Variants in ZNF443 observed in about 807,000 individuals in gnomAD.
ZNF443 encodes Kruppel-type zinc finger (C2H2).
A neutral mutation model predicts 12.0 loss-of-function variants in ZNF443; 3 were observed. The ratio of observed to expected loss-of-function variants is 0.25; its 90% CI spans 0.11 to 0.64. The LOEUF (loss-of-function observed/expected upper bound fraction) is 0.64. Among genes scored for constraint, ZNF443 ranks in the 30% least tolerant of loss-of-function variants. ZNF443 has a pLI of 0.84. For synonymous variants in ZNF443, 225 were observed against 265.9 expected (o/e 0.85, Z 1.50); for missense variants, 770 against 808.8 (o/e 0.95, Z 0.58).
At position 12,430,228 on chromosome 19, in the gene ZNF443, T is replaced by C. The variant is rs2112851; in HGVS notation, c.1944A>G (p.Pro648=). Residue 648 remains proline (P), a synonymous_variant, in exon 4 of 4, where the codon CCA becomes CCG. Coordinates refer to ENST00000301547, the MANE Select transcript of ZNF443 (RefSeq NM_005815.5). ...HWKKTHTGEN[P]YECKECGKAF... Reference sequence around the variant, plus strand: ...CTTTCCCACATTCCTTACATTCATATGGGTTCTCTCCAGTGTGAGTTTTTT... The same window carrying C: ...CTTTCCCACATTCCTTACATTCATACGGGTTCTCTCCAGTGTGAGTTTTTT... The C allele has an allele frequency of 1.8e-4, 293 of 1,613,104 alleles. 2 individuals are homozygous for C. In the African/African-American group the frequency reaches 3.0e-3, roughly 16 times the overall value.
chr19:12,435,410 G>A (rs1350090946), intron 1 of ZNF443, among the ~76,000 whole-genome samples: 1 of 152,186 alleles, frequency 6.6e-6, no homozygotes, highest in African/African-American at 2.4e-5. Flanking sequence ...AAGACATACA[G>A]TAGACCAACT....
rs200987547 is a variant in ZNF443, at chr19:12,430,997, G to C, written c.1175C>G (p.Pro392Arg). ...SHERTHTGEK[P>R]YECKQCGKAL... ...TTTCCCACACTGCTTGCATTCATAG[G>C]GTTTCTCTCCAGTGTGAGTTCTTTC... The change falls in exon 4 of 4, where the codon CCC becomes CGC. Residue 392 changes from proline to arginine, a missense_variant. Physicochemically the swap from Pro to Arg is moderately radical, Grantham distance 103. Transcript: ENST00000301547. The C allele has an allele frequency of 1.2e-6, 2 of 1,613,858 alleles. No individual in the cohort carries two copies. Among genetic ancestry groups the C allele is most frequent in the Admixed American group, 1.7e-5 (1 of 60,000 alleles).
intron 1 of ZNF443, among the ~76,000 whole-genome samples, chr19:12,434,597 T>A (rs1329797259): frequency 6.6e-6 from 1 of 152,064 alleles, no homozygotes; most frequent in African/African-American, 2.4e-5. Context: ...ACTCACAGTA[T>A]CTAAAAAATG....
chr19:12,430,178 T>C lies in ZNF443; in HGVS notation c.1994A>G (p.His665Arg). Residue 665 changes from histidine to arginine, a missense_variant, in exon 4 of 4, where the codon CAT (histidine) becomes CGT (arginine). His to Arg is a conservative substitution (Grantham distance 29, BLOSUM62 0). Coordinates refer to ENST00000301547, the MANE Select transcript of ZNF443 (RefSeq NM_005815.5). ...ATGCTAGTGAGTCTTTTTATGTCTA[T>C]GCAAGGAACTGAGAGAAGCAAATGC... ...GKAFASLSSL[H>R]RHKKTH The C allele has an allele frequency of 1.2e-6, 2 of 1,613,768 alleles. No individual in the cohort carries two copies. Among genetic ancestry groups the C allele is most frequent in the South Asian group, 1.1e-5 (1 of 91,000 alleles).
At chr19:12,435,079 G>C (rs1437998552) in intron 1 of ZNF443, among the ~76,000 whole-genome samples, 1 of 148,600 alleles carries the variant, frequency 6.7e-6, no homozygotes, top group Admixed American at 6.9e-5. Context: ...CCAGATTCAA[G>C]CAATTCTCCT....
Position 12,434,950 on chromosome 19 carries a change from C to CTT in ZNF443, c.4-1755_4-1754dup, listed in dbSNP as rs34799053. 5.6e-3 allele frequency among the ~76,000 whole-genome samples: 542 copies of CTT among 96,090 alleles called. 16 individuals carry two copies. The highest frequency in any genetic ancestry group is 6.3e-3 in the Non-Finnish European group (315 of 50,294). The allele number at this position is 96,090 out of a possible 152,430, so 63.0% of individuals were successfully genotyped here. On this transcript the variant is annotated intron_variant, in intron 1 of 3. Transcript: ENST00000301547. ...TATCCAAAGGTCTGAAACAAGGCTGCTTTTTTTTTTTTTTTTTTTTTGAGA... is the reference window on the plus strand; with the variant it reads ...TATCCAAAGGTCTGAAACAAGGCTGCTTTTTTTTTTTTTTTTTTTTTTTGAGA...
Position 12,433,187 on chromosome 19 carries a change from G to C in ZNF443, c.14C>G (p.Ala5Gly), listed in dbSNP as rs1334607542. The change falls in exon 2 of 4, where the codon GCT becomes GGT. Residue 5 changes from alanine (A) to glycine (G), a missense_variant. Coordinates refer to ENST00000301547, the MANE Select transcript of ZNF443 (RefSeq NM_005815.5). MASV[A>G]LEDVAVNFTR... The stretch of plus-strand genomic sequence containing the variant: ...GAAGTTCACAGCCACATCCTCTAAA[G>C]CCACTGAGGCCTGATCCATCCCACA... 1.2e-6 allele frequency: 2 copies of C among 1,605,458 alleles called. No individual in the cohort carries two copies. Among genetic ancestry groups the C allele is most frequent in the African/African-American group, 2.7e-5 (2 of 74,280 alleles).
chr19:12,438,904 G>T (rs1970339500), intron 1 of ZNF443, among the ~76,000 whole-genome samples: 1 of 152,082 alleles, frequency 6.6e-6, no homozygotes, highest in African/African-American at 2.4e-5. Flanking sequence ...CTAATCATAG[G>T]ATGTATTTCA....
intron 1 of ZNF443, among the ~76,000 whole-genome samples, chr19:12,439,068 G>T (rs1970340855): frequency 6.6e-6 from 1 of 152,074 alleles, no homozygotes; most frequent in African/African-American, 2.4e-5. Context: ...ACCCTATTCT[G>T]TTCGCCACCC....
intron 1 of ZNF443, among the ~76,000 whole-genome samples, chr19:12,439,420 G>C (rs1970343825): frequency 6.6e-6 from 1 of 152,138 alleles, no homozygotes; most frequent in Non-Finnish European, 1.5e-5. Context: ...TCCATCTCAG[G>C]CTGTCCCCTG....
chr19:12,439,243 G>C (rs1970342370), intron 1 of ZNF443, among the ~76,000 whole-genome samples: 1 of 152,038 alleles, frequency 6.6e-6, no homozygotes, highest in African/African-American at 2.4e-5. Flanking sequence ...TTTTTCCTAT[G>C]GAATATGACC....
In ZNF443 at chr19:12,431,743, A is replaced by G; in HGVS notation, c.429T>C (p.His143=). ...AACTGAAGGCTTTCCCACGTTGTTT[A>G]TGCGTATCTGGCTTCTCTCCACATT... ...YHECGEKPDT[H]KQRGKAFSYH... The change falls in exon 4 of 4, where the codon CAT becomes CAC. Residue 143 remains histidine (H), a synonymous_variant. Coordinates refer to ENST00000301547, the MANE Select transcript of ZNF443 (RefSeq NM_005815.5). 6.2e-7 allele frequency: 1 copy of G among 1,614,186 alleles called. No individual in the cohort carries two copies. The highest frequency in any genetic ancestry group is 1.1e-5 in the South Asian group (1 of 91,074).
At position 12,440,969 on chromosome 19, in the gene ZNF443, T is replaced by G; in HGVS notation, c.-55A>C. ...ACCGACAGCTCCCGCTGCCAATGCG[T>G]GTTCCAGCCAGACAAAGGCTGCCTC... is the stretch of plus-strand genomic sequence containing the variant. On this transcript the variant is annotated 5_prime_UTR_variant, in exon 1 of 4. Coordinates refer to ENST00000301547, the MANE Select transcript of ZNF443 (RefSeq NM_005815.5). 1.9e-6 allele frequency: 3 copies of G among 1,613,810 alleles called. No homozygotes were observed. Among genetic ancestry groups the G allele is most frequent in the Non-Finnish European group, 2.5e-6 (3 of 1,179,802 alleles).
chr19:12,440,485 G>C (rs6511803), intron 1 of ZNF443, among the ~76,000 whole-genome samples: 111,422 of 152,032 alleles, frequency 0.73, 41,260 homozygotes, highest in Non-Finnish European at 0.79. Context: ...CACCAACCAA[G>C]GACGCTACAC....
At position 12,430,090 on chromosome 19, in the gene ZNF443, A is replaced by G; in HGVS notation, c.*66T>C. ...AGGGTCTATCTCCAATGTGTTTCGT[A>G]CAAGTATCTGAAATGAAATAAAATT... On this transcript the variant is annotated 3_prime_UTR_variant, in exon 4 of 4. Coordinates refer to ENST00000301547, the MANE Select transcript of ZNF443 (RefSeq NM_005815.5). The G allele has an allele frequency of 6.2e-7, 1 of 1,603,068 alleles. No individual in the cohort carries two copies. Among genetic ancestry groups the G allele is most frequent in the Non-Finnish European group, 8.5e-7 (1 of 1,174,356 alleles).
intron 1 of ZNF443, among the ~76,000 whole-genome samples, chr19:12,435,224 C>T (rs1244650394): frequency 6.6e-6 from 1 of 152,172 alleles, no homozygotes; most frequent in African/African-American, 2.4e-5. Flanking sequence ...GATCCGCCTG[C>T]CTTAGCCTCC....
In ZNF443 at chr19:12,431,797, AC is replaced by A. The variant is rs1331078914; in HGVS notation, c.374del (p.Gly125ValfsTer117). 1 of 1,614,006 alleles carries A rather than the reference AC, an allele frequency of 6.2e-7. No individual in the cohort carries two copies. The highest frequency in any genetic ancestry group is 1.3e-5 in the African/African-American group (1 of 74,914). ...GATACTCATGTGGTTTGTGCCCAGC[AC>A]CAACTCTGATGTAACAATTAAGGGA... ...HSSLNCYIRV[G>X]AGHKPHEYHE... On this transcript the variant is annotated frameshift_variant, in exon 4 of 4. Coordinates refer to ENST00000301547, the MANE Select transcript of ZNF443 (RefSeq NM_005815.5). LOFTEE classifies it low-confidence loss of function (END_TRUNC).
At chr19:12,433,031 G>C (rs1970274429) in intron 2 of ZNF443, 40 bp downstream of exon 2, 1 of 1,612,730 alleles carries the variant, frequency 6.2e-7, no homozygotes. Flanking sequence ...AGAAACAAAT[G>C]TCTCCAATTA....
chr19:12,430,337 C>A lies in ZNF443; in HGVS notation c.1835G>T (p.Gly612Val), dbSNP rs376683157. 4.8e-5 allele frequency: 78 copies of A among 1,613,588 alleles called. No individual in the cohort carries two copies. The highest frequency in any genetic ancestry group is 6.6e-5 in the Non-Finnish European group (78 of 1,179,844). Reference protein sequence around the residue: ...FLQGHEKTHTGENPYECKECG... With the variant: ...FLQGHEKTHTVENPYECKECG... ...TTCCTTACATTCATACGGGTTCTCTCCAGTATGAGTTTTTTCATGTCCTTG... is the reference window on the plus strand; with the variant it reads ...TTCCTTACATTCATACGGGTTCTCTACAGTATGAGTTTTTTCATGTCCTTG... The change falls in exon 4 of 4, where the codon GGA becomes GTA. Residue 612 changes from glycine to valine, a missense_variant. Gly to Val is a moderately radical substitution (Grantham distance 109, BLOSUM62 -3). Coordinates refer to ENST00000301547, the MANE Select transcript of ZNF443 (RefSeq NM_005815.5).
Sources: gnomAD v4.1 joint callset for allele counts (sites outside exome capture counted in the v4.1 genomes callset) on GRCh38, gnomAD v4.1.1 for gene constraint, MANE v1.5 for transcripts, NCBI Gene and HGNC (gene_info 2026-07-23, HGNC 2026-07-21) for gene names.